Variants in LPIN3 observed in about 807,000 individuals in gnomAD.
LPIN3 encodes the protein lipin 3.
In LPIN3, 82 loss-of-function variants were observed where a neutral mutation model predicts 94.7. The ratio of observed to expected loss-of-function variants is 0.87; its 90% CI spans 0.72 to 1.04. LPIN3 has a LOEUF of 1.04. Ranked by LOEUF, LPIN3 falls within the 50% of genes least tolerant of loss-of-function variation. The pLI is 0.00. For synonymous variants in LPIN3, 418 were observed against 443.3 expected (o/e 0.94, Z 0.72); for missense variants, 996 against 1,090.5 (o/e 0.91, Z 1.22).
At chr20:41,353,005 G>T in intron 11 of LPIN3, 138 bp downstream of exon 11, 1 of 932,572 alleles carries the variant, frequency 1.1e-6, no homozygotes. Flanking sequence ...GACTCACTCT[G>T]GGAGAGGCGA....
chr20:41,344,189 G>T lies in LPIN3; in HGVS notation c.-8-1607G>T, dbSNP rs117811222. Among the ~76,000 whole-genome samples, 43 of 152,368 alleles carry T rather than the reference G, an allele frequency of 2.8e-4. No individual in the cohort carries two copies. The East Asian group carries it at 8.1e-3, about 29-fold the overall frequency. ...GCTGATGCTGATGTTTGTTGCTGGT[G>T]CATACCACATTTTGAGTGCAGGGCA... On this transcript the variant is annotated intron_variant, in intron 1 of 19. Coordinates refer to ENST00000373257, the MANE Select transcript of LPIN3 (RefSeq NM_022896.3).
rs943024024 is a variant in LPIN3 at position 41,358,958 on chromosome 20, G to T, written c.*92G>T. The T allele has an allele frequency of 2.0e-6, 3 of 1,485,128 alleles. No homozygotes were observed. The highest frequency in any genetic ancestry group is 4.6e-5 in the East Asian group (2 of 43,760). 92.0% of individuals were successfully genotyped at this position (1,485,128 alleles called of 1,614,324 possible). A position where few individuals can be genotyped will look rare whatever the true frequency, so the allele number is the denominator to read the frequency against. On this transcript the variant is annotated 3_prime_UTR_variant, in exon 20 of 20. Coordinates refer to ENST00000373257, the MANE Select transcript of LPIN3 (RefSeq NM_022896.3). ...AGGGTGGGAATTGGAGTGTCATGGG[G>T]CAAACCCACTGAAGGGGAAGGAGGA...
chr20:41,345,967 TG>T lies in LPIN3; in HGVS notation c.167del (p.Gly56AlafsTer10), dbSNP rs776288770. ...CCCTTCCACGTGCGTTTTGGCAAGC[TG>T]GGCGTCCTGCGGTCGCGGGAGAAGG... is the stretch of plus-strand genomic sequence containing the variant. ...CSPFHVRFGKLGVLRSREKVV... is the reference protein window; with the variant it reads ...CSPFHVRFGKXGVLRSREKVV... On this transcript the variant is annotated frameshift_variant, in exon 2 of 20. Transcript: ENST00000373257. LOFTEE classifies it high-confidence loss of function. 6.2e-7 allele frequency: 1 copy of T among 1,614,028 alleles called. No homozygotes were observed. Among genetic ancestry groups the T allele is most frequent in the East Asian group, 2.2e-5 (1 of 44,886 alleles).
At chr20:41,349,008 A>AC in intron 4 of LPIN3, 84 bp from the exon 5 acceptor site, 1 of 1,586,752 alleles carries the variant, frequency 6.3e-7, no homozygotes. Context: ...GCTTCACCTT[A>AC]CCAAGCCCCT....
chr20:41,354,292 TC>T (rs1251477890), intron 11 of LPIN3, among the ~76,000 whole-genome samples: 1 of 152,176 alleles, frequency 6.6e-6, no homozygotes, highest in Admixed American at 6.5e-5. Flanking sequence ...TGCCACTTGG[TC>T]ACAGCATAGG....
At chr20:41,351,730 C>A in intron 7 of LPIN3, 91 bp from the exon 8 acceptor site, 1 of 1,155,686 alleles carries the variant, frequency 8.7e-7, no homozygotes, top group Non-Finnish European at 1.3e-6. Context: ...CTGGGCAGCA[C>A]TGCCTTAGAG....
chr20:41,348,027 G>A (rs866450522), intron 3 of LPIN3, among the ~76,000 whole-genome samples: 2 of 152,284 alleles, frequency 1.3e-5, no homozygotes, highest in East Asian at 1.9e-4. Context: ...TGCCAGCTCC[G>A]TGTGGCTGGA....
Position 41,347,589 on chromosome 20 carries a change from A to C in LPIN3, c.230A>C (p.His77Pro), listed in dbSNP as rs1175927262. The C allele has an allele frequency of 3.1e-6, 5 of 1,614,202 alleles. No individual in the cohort carries two copies. Among genetic ancestry groups the C allele is most frequent in the Non-Finnish European group, 4.2e-6 (5 of 1,180,026 alleles). ...CTCAATGGGGAGCCTGTGGACTTGC[A>C]CATGAAGCTTGGGGACAGCGGGGAG... ...IELNGEPVDL[H>P]MKLGDSGEAF... The change falls in exon 3 of 20, where the codon CAC becomes CCC. Residue 77 changes from histidine to proline, a missense_variant. Physicochemically the swap from His to Pro is moderately conservative, Grantham distance 77 (BLOSUM62 -2). Coordinates refer to ENST00000373257, the MANE Select transcript of LPIN3 (RefSeq NM_022896.3).
Position 41,358,360 on chromosome 20 carries a change from G to A in LPIN3, c.2307+9G>A, listed in dbSNP as rs1415175761. 2 of 1,613,544 alleles carry A rather than the reference G, an allele frequency of 1.2e-6. No individual in the cohort carries two copies. Among genetic ancestry groups the A allele is most frequent in the South Asian group, 1.1e-5 (1 of 91,066 alleles). On this transcript the variant is annotated intron_variant, in intron 18 of 19. Transcript: ENST00000373257. ...TTGGGAATAGGCCCAATGTGAGTGT[G>A]TCCCCTCCACTCTGCTGAGCCACCT...
chr20:41,356,947 G>A lies in LPIN3; in HGVS notation c.1804-93G>A, dbSNP rs1443010118. ...GCTGGGAGGAAGAGGAGAATGAGAG[G>A]CCCGAGGGGATCGGAGGCCACGGCG... On this transcript the variant is annotated intron_variant, in intron 14 of 19. Coordinates refer to ENST00000373257, the MANE Select transcript of LPIN3 (RefSeq NM_022896.3). The A allele has an allele frequency of 1.0e-5, 15 of 1,437,578 alleles. No homozygotes were observed. The Admixed American group carries it at 2.7e-4, about 26-fold the overall frequency. 89.1% of individuals were successfully genotyped at this position (1,437,578 alleles called of 1,614,324 possible). A position where few individuals can be genotyped will look rare whatever the true frequency, so the allele number is the denominator to read the frequency against.
chr20:41,355,000 G>A, intron 13 of LPIN3, 137 bp downstream of exon 13: 2 of 798,522 alleles, frequency 2.5e-6, no homozygotes, highest in Non-Finnish European at 3.9e-6. Context: ...CAAGCACCAA[G>A]CACTTCTTTT....
In LPIN3 at chr20:41,352,853, A is replaced by G; in HGVS notation, c.1513A>G (p.Lys505Glu). The G allele has an allele frequency of 6.2e-7, 1 of 1,614,208 alleles. No homozygotes were observed. The highest frequency in any genetic ancestry group is 8.5e-7 in the Non-Finnish European group (1 of 1,180,032). ...PMILSLQAFQKNLPKSTMDKL... is the reference protein window; with the variant it reads ...PMILSLQAFQENLPKSTMDKL... The stretch of plus-strand genomic sequence containing the variant: ...GATCCTCTCCCTGCAAGCCTTCCAG[A>G]AAAACTTGCCCAAGGTAATGGTTAG... The change falls in exon 11 of 20, where the codon AAA (lysine) becomes GAA (glutamate). Residue 505 changes from lysine to glutamate, a missense_variant. Transcript: ENST00000373257.
rs2046306743 is a variant in LPIN3, at chr20:41,358,758, C to T, written c.2448C>T (p.Phe816=). ...TTGGTGAAGTGGTCGAGCTCCTCTT[C>T]CCACCTGTGGCCCGTGGCCCCAGCA... is the stretch of plus-strand genomic sequence containing the variant. The part of the protein sequence containing the change: ...ERLGEVVELL[F]PPVARGPSTD... The change falls in exon 20 of 20, where the codon TTC becomes TTT. Residue 816 remains phenylalanine, a synonymous_variant. Coordinates refer to ENST00000373257, the MANE Select transcript of LPIN3 (RefSeq NM_022896.3). The T allele has an allele frequency of 6.2e-7, 1 of 1,613,556 alleles. No homozygotes were observed. Among genetic ancestry groups the T allele is most frequent in the South Asian group, 1.1e-5 (1 of 90,924 alleles).
Position 41,358,948 on chromosome 20 carries a change from G to A in LPIN3, c.*82G>A, listed in dbSNP as rs1338631530. 4 of 1,533,446 alleles carry A rather than the reference G, an allele frequency of 2.6e-6. No individual in the cohort carries two copies. In the African/African-American group the frequency reaches 4.1e-5, roughly 16 times the overall value. The allele number at this position is 1,533,446 out of a possible 1,614,324, so 95.0% of individuals were successfully genotyped here. ...GGGGTATAGGAGGGTGGGAATTGGA[G>A]TGTCATGGGGCAAACCCACTGAAGG... is the stretch of plus-strand genomic sequence containing the variant. On this transcript the variant is annotated 3_prime_UTR_variant, in exon 20 of 20. Coordinates refer to ENST00000373257, the MANE Select transcript of LPIN3 (RefSeq NM_022896.3).
chr20:41,344,061 CAAA>C (rs201851348), intron 1 of LPIN3, among the ~76,000 whole-genome samples: 1 of 130,200 alleles, frequency 7.7e-6, no homozygotes. Flanking sequence ...GATCCTGTCT[CAAA>C]AAAAAAAAAG....
Position 41,347,535 on chromosome 20 carries a change from C to T in LPIN3, c.193-17C>T, listed in dbSNP as rs766572162. 2.5e-6 allele frequency: 4 copies of T among 1,612,728 alleles called. No individual in the cohort carries two copies. In the South Asian group the frequency reaches 4.4e-5, roughly 18 times the overall value. On this transcript the variant is annotated splice_polypyrimidine_tract_variant and intron_variant, in intron 2 of 19. Coordinates refer to ENST00000373257, the MANE Select transcript of LPIN3 (RefSeq NM_022896.3). ...GGCGTGAAGGCCCATGTCCCTGCCACCGCTTTCCATTTGCAGGTAGACATT... is the reference window on the plus strand; with the variant it reads ...GGCGTGAAGGCCCATGTCCCTGCCATCGCTTTCCATTTGCAGGTAGACATT...
Position 41,355,923 on chromosome 20 carries a change from T to TGACGA in LPIN3, c.1693_1697dup (p.Asp566GlufsTer9). On this transcript the variant is annotated frameshift_variant, in exon 14 of 20. Transcript: ENST00000373257. LOFTEE classifies it high-confidence loss of function. ...AGAAGACAGAAGTCCTGAGCAGTGA[T>TGACGA]GACGATGCCCCAGACAGCCCTGTGA... The TGACGA allele has an allele frequency of 6.2e-7, 1 of 1,614,124 alleles. No individual in the cohort carries two copies. The highest frequency in any genetic ancestry group is 8.5e-7 in the Non-Finnish European group (1 of 1,180,004).
At position 41,348,605 on chromosome 20, in the gene LPIN3, G is replaced by T; in HGVS notation, c.289-14G>T. 3 of 1,593,858 alleles carry T rather than the reference G, an allele frequency of 1.9e-6. No individual in the cohort carries two copies. The highest frequency in any genetic ancestry group is 1.1e-5 in the South Asian group (1 of 87,882). ...GGGTCAGCCCCCGACCTCAGTTCTT[G>T]GTCTGTTCCACAGGAACATGTGCCT... On this transcript the variant is annotated splice_polypyrimidine_tract_variant and intron_variant, in intron 3 of 19. Coordinates refer to ENST00000373257, the MANE Select transcript of LPIN3 (RefSeq NM_022896.3).
In LPIN3 at chr20:41,352,177, G is replaced by C. The variant is rs1159169057; in HGVS notation, c.1320G>C (p.Leu440=). Reference sequence around the variant, plus strand: ...TGGACACAGTGGATACAATAGCACTGTCCCTCTGTGGTGGACTGGCTGACA... The same window carrying C: ...TGGACACAGTGGATACAATAGCACTCTCCCTCTGTGGTGGACTGGCTGACA... ...PTLDTVDTIA[L]SLCGGLADSR... Residue 440 remains leucine (L), a synonymous_variant, in exon 9 of 20, where the codon CTG becomes CTC. Coordinates refer to ENST00000373257, the MANE Select transcript of LPIN3 (RefSeq NM_022896.3). The C allele has an allele frequency of 6.2e-7, 1 of 1,614,088 alleles. No individual in the cohort carries two copies. The highest frequency in any genetic ancestry group is 8.5e-7 in the Non-Finnish European group (1 of 1,180,050).
Sources: allele counts gnomAD v4.1 joint callset (sites outside exome capture counted in the v4.1 genomes callset), GRCh38; gene constraint gnomAD v4.1.1; transcripts MANE v1.5; gene names NCBI Gene and HGNC (gene_info 2026-07-23, HGNC 2026-07-21).